Variants in SLC30A3 observed in about 807,000 individuals in gnomAD.
SLC30A3 encodes probable proton-coupled zinc antiporter SLC30A3.
In SLC30A3, 20 loss-of-function variants were observed where a neutral mutation model predicts 35.6. The ratio of observed to expected loss-of-function variants is 0.56; its 90% CI spans 0.39 to 0.82. SLC30A3 has a LOEUF of 0.82. SLC30A3 is among the 40% of genes least tolerant of loss of function. The pLI, the probability that SLC30A3 is intolerant of heterozygous loss-of-function variation, is 0.00. For synonymous variants in SLC30A3, 217 were observed against 224.7 expected, an observed-to-expected ratio of 0.97 and a Z score of 0.31; for missense variants, 401 against 530.6, an observed-to-expected ratio of 0.76 and a Z score of 2.40.
rs1572491700 is a variant in SLC30A3 at position 27,269,960 on chromosome 2, G to A, written c.-159+5217C>T. On this transcript the variant is annotated intron_variant, in intron 1 of 5. Transcript: ENST00000424577. ...GGGAAACAGCAAATGTATCAGAGAT[G>A]TAGGAAGAGAACCAGAGAAATGTGC... Among the ~76,000 whole-genome samples the A allele has an allele frequency of 2.6e-5, 4 of 152,302 alleles. No individual in the cohort carries two copies. In the South Asian group the frequency reaches 8.3e-4, roughly 32 times the overall value.
intron 1 of SLC30A3, among the ~76,000 whole-genome samples, chr2:27,269,005 C>T (rs1677613995): frequency 6.6e-6 from 1 of 151,242 alleles, no homozygotes; most frequent in South Asian, 2.1e-4. Context: ...GCTGTGGGAG[C>T]TGAGAAGAAG....
chr2:27,269,198 CTTTT>C (rs1572490545), intron 1 of SLC30A3, among the ~76,000 whole-genome samples: 1 of 137,146 alleles, frequency 7.3e-6, no homozygotes, highest in Non-Finnish European at 1.5e-5. Context: ...TTTTCTTTTT[CTTTT>C]TCTTTCTTTT....
intron 1 of SLC30A3, among the ~76,000 whole-genome samples, chr2:27,261,689 AC>A (rs1677191039): frequency 6.6e-6 from 1 of 151,964 alleles, no homozygotes; most frequent in Admixed American, 6.6e-5. Flanking sequence ...GCCCTCCGAA[AC>A]CCCCAACCAA....
In SLC30A3 at chr2:27,258,032, C is replaced by G; in HGVS notation, c.451G>C (p.Val151Leu). Residue 151 changes from valine to leucine, a missense_variant, in exon 4 of 8, where the codon GTC (valine) becomes CTC (leucine). Around this residue, in one of 3 missense-constraint regions of SLC30A3, gnomAD observed 296 missense variants for 392.6 expected, o/e 0.75. Transcript: ENST00000233535. This position sits in a 1 kb window ranked among gnomAD's most constrained non-coding sequence, Gnocchi z 4.0. ...SETLGALASV[V>L]SLWMVTGILL... ...ATGCCAGTGACCATCCAGAGGGAGACCACAGAGGCCAAAGCCCCCAGAGTC... is the reference window on the plus strand; with the variant it reads ...ATGCCAGTGACCATCCAGAGGGAGAGCACAGAGGCCAAAGCCCCCAGAGTC... 1 of 1,614,140 alleles carries G rather than the reference C, an allele frequency of 6.2e-7. No individual in the cohort carries two copies. The highest frequency in any genetic ancestry group is 2.2e-5 in the East Asian group (1 of 44,878).
chr2:27,256,675 C>T (rs76881617), intron 6 of SLC30A3, 113 bp downstream of exon 6: 59,097 of 1,285,144 alleles, frequency 0.046, 1,686 homozygotes, highest in Non-Finnish European at 0.054. Flanking sequence ...AGCAGCAGAC[C>T]CCATGAGCCA....
In SLC30A3 at chr2:27,254,887, G is replaced by A; in HGVS notation, c.*425C>T. The stretch of plus-strand genomic sequence containing the variant: ...AGAGCGAGGGCCATGTGGGGAGGGG[G>A]CCCCTACTGACCTCCCCCAGGCATA... On this transcript the variant is annotated 3_prime_UTR_variant, in exon 8 of 8. Coordinates refer to ENST00000233535, the MANE Select transcript of SLC30A3 (RefSeq NM_003459.5). 1 of 378,386 alleles carries A rather than the reference G, an allele frequency of 2.6e-6. No individual in the cohort carries two copies. The highest frequency in any genetic ancestry group is 4.8e-6 in the Non-Finnish European group (1 of 210,072). The allele number at this position is 378,386 out of a possible 1,614,324, so 23.4% of individuals were successfully genotyped here.
At chr2:27,275,406 G>A, upstream of SLC30A3, 1 of 377,556 alleles carries the variant, frequency 2.6e-6, no homozygotes, top group African/African-American at 2.1e-5. Flanking sequence ...CCCACCCAGT[G>A]CTTCCGGGGG....
chr2:27,257,037 T>G lies in SLC30A3; in HGVS notation c.777+117A>C, dbSNP rs1473367271. On this transcript the variant is annotated intron_variant, in intron 5 of 7. Transcript: ENST00000233535. The surrounding 1 kb of genome is among the most constrained non-coding windows in gnomAD (Gnocchi z 4.7). The stretch of plus-strand genomic sequence containing the variant: ...ACATGACTCATGTCTGGGAGAGTCC[T>G]GGGAGGTGGGAGGGAGGAGCTGGAG... 8.4e-7 allele frequency: 1 copy of G among 1,193,488 alleles called. No homozygotes were observed. The allele number at this position is 1,193,488 out of a possible 1,614,324, so 73.9% of individuals were successfully genotyped here.
intron 1 of SLC30A3, among the ~76,000 whole-genome samples, chr2:27,260,947 G>A (rs932912012): frequency 2.6e-5 from 4 of 152,152 alleles, no homozygotes; most frequent in African/African-American, 9.7e-5. Flanking sequence ...TGGTCTGGTG[G>A]GAAAGACAGA....
intron 1 of SLC30A3, among the ~76,000 whole-genome samples, chr2:27,273,804 C>A (rs755261741): frequency 2.0e-5 from 3 of 151,160 alleles, no homozygotes; most frequent in Non-Finnish European, 4.4e-5. Flanking sequence ...ACCTCTAATG[C>A]CTTCTGCTCT....
rs1219909521 is a variant in SLC30A3, at chr2:27,256,963, A to T, written c.778-70T>A. ...AGAGGAAGATCTAGGGGTATCTTGAACAAACATGACCTGAGAGGCCCCTCA... is the reference window on the plus strand; with the variant it reads ...AGAGGAAGATCTAGGGGTATCTTGATCAAACATGACCTGAGAGGCCCCTCA... On this transcript the variant is annotated intron_variant, in intron 5 of 7. Transcript: ENST00000233535. 9.7e-6 allele frequency: 12 copies of T among 1,239,930 alleles called. No homozygotes were observed. In the East Asian group the frequency reaches 2.8e-4, roughly 29 times the overall value. The allele number at this position is 1,239,930 out of a possible 1,614,324, so 76.8% of individuals were successfully genotyped here. A position where few individuals can be genotyped will look rare whatever the true frequency, so the allele number is the denominator to read the frequency against.
chr2:27,268,528 C>G (rs182087078), intron 1 of SLC30A3, among the ~76,000 whole-genome samples: 2 of 152,138 alleles, frequency 1.3e-5, no homozygotes, highest in East Asian at 3.9e-4. Flanking sequence ...CCGAGGTGGG[C>G]GGATCACAAG....
upstream of SLC30A3, among the ~76,000 whole-genome samples, chr2:27,267,346 T>G (rs1433656629): frequency 1.3e-5 from 2 of 152,242 alleles, no homozygotes; most frequent in African/African-American, 4.8e-5. Flanking sequence ...GATTTGTCAC[T>G]CCCCATCACA....
rs772772029 is a variant in SLC30A3, at chr2:27,258,973, C to T, written c.96-39G>A. Reference sequence around the variant, plus strand: ...CATGGTTCAACCTGGGCCTGGCCCACAGGCTGGCCTGCTCACTCCACGTCC... The same window carrying T: ...CATGGTTCAACCTGGGCCTGGCCCATAGGCTGGCCTGCTCACTCCACGTCC... On this transcript the variant is annotated intron_variant, in intron 1 of 7. Transcript: ENST00000233535. This position sits in a 1 kb window ranked among gnomAD's most constrained non-coding sequence, Gnocchi z 4.0. The T allele has an allele frequency of 1.3e-6, 2 of 1,513,158 alleles. No homozygotes were observed. The highest frequency in any genetic ancestry group is 1.8e-6 in the Non-Finnish European group (2 of 1,122,070). 93.7% of individuals were successfully genotyped at this position (1,513,158 alleles called of 1,614,324 possible). A position where few individuals can be genotyped will look rare whatever the true frequency, so the allele number is the denominator to read the frequency against.
At chr2:27,274,197 C>A (rs1367651718) in intron 1 of SLC30A3, among the ~76,000 whole-genome samples, 5 of 152,144 alleles carry the variant, frequency 3.3e-5, no homozygotes, top group Admixed American at 2.6e-4. Flanking sequence ...TGGTGGCAGG[C>A]ACCTGTAATC....
Position 27,258,658 on chromosome 2 carries a change from G to A in SLC30A3, c.277+95C>T. 1.5e-6 allele frequency: 2 copies of A among 1,361,280 alleles called. No homozygotes were observed. The highest frequency in any genetic ancestry group is 1.0e-6 in the Non-Finnish European group (1 of 967,674). The allele number at this position is 1,361,280 out of a possible 1,614,324, so 84.3% of individuals were successfully genotyped here. A position where few individuals can be genotyped will look rare whatever the true frequency, so the allele number is the denominator to read the frequency against. On this transcript the variant is annotated intron_variant, in intron 2 of 7. Coordinates refer to ENST00000233535, the MANE Select transcript of SLC30A3 (RefSeq NM_003459.5). The surrounding 1 kb of genome is among the most constrained non-coding windows in gnomAD (Gnocchi z 4.0). Reference sequence around the variant, plus strand: ...CCCTATCCCAGCCATCCCCATCTCTGCATCTGCACCCAGGAACATTCCTGG... The same window carrying A: ...CCCTATCCCAGCCATCCCCATCTCTACATCTGCACCCAGGAACATTCCTGG...
chr2:27,255,893 T>C lies in SLC30A3; in HGVS notation c.1019-433A>G, dbSNP rs948083276. The C allele has an allele frequency of 9.3e-6, 2 of 214,410 alleles. No individual in the cohort carries two copies. The highest frequency in any genetic ancestry group is 1.9e-5 in the Non-Finnish European group (2 of 106,762). The allele number at this position is 214,410 out of a possible 1,614,324, so 13.3% of individuals were successfully genotyped here. A position where few individuals can be genotyped will look rare whatever the true frequency, so the allele number is the denominator to read the frequency against. On this transcript the variant is annotated intron_variant, in intron 7 of 7. Transcript: ENST00000233535. This position sits in a 1 kb window ranked among gnomAD's most constrained non-coding sequence, Gnocchi z 5.2. ...CTGGAAGAAACTCAAAAATCCTTTG[T>C]CAGCTCATGACTCACCATATATATT...
rs1286501925 is a variant in SLC30A3 at position 27,257,877 on chromosome 2, A to C, written c.578+28T>G. On this transcript the variant is annotated intron_variant, in intron 4 of 7. Transcript: ENST00000233535. The surrounding 1 kb of genome is among the most constrained non-coding windows in gnomAD (Gnocchi z 4.7). ...GAAGACCCCTCGCCCTGGGCCCCAC[A>C]AGGTGCCTGCTCCATACTGGGACGT... 6.3e-7 allele frequency: 1 copy of C among 1,599,970 alleles called. No homozygotes were observed. Among genetic ancestry groups the C allele is most frequent in the East Asian group, 2.3e-5 (1 of 44,400 alleles).
chr2:27,263,102 G>A (rs973202905), upstream of SLC30A3: 32 of 1,345,466 alleles, frequency 2.4e-5, no homozygotes, highest in South Asian at 1.3e-4. Context: ...CCCGCCCCGC[G>A]TGGGGCGAGC....
Sources: gnomAD v4.1 joint callset for allele counts (sites outside exome capture counted in the v4.1 genomes callset) on GRCh38, gnomAD v4.1.1 for gene constraint, gnomAD v4.1.1 regional missense constraint, Gnocchi (gnomAD v3.1) non-coding constraint, MANE v1.5 for transcripts, NCBI Gene and HGNC (gene_info 2026-07-23, HGNC 2026-07-21) for gene names.